ATP8B4: variants seen among roughly 807,000 people sequenced by gnomAD.
ATP8B4 encodes the protein ATPase phospholipid transporting 8B4 (putative), also known as probable phospholipid-transporting ATPase IM.
A neutral mutation model predicts 145.6 loss-of-function variants in ATP8B4; 133 were observed. The ratio of observed to expected loss-of-function variants is 0.91; its 90% CI spans 0.79 to 1.05. The LOEUF is 1.05. Among genes scored for constraint, ATP8B4 ranks in the 50% least tolerant of loss-of-function variants. The pLI, the probability that ATP8B4 is intolerant of heterozygous loss-of-function variation, is 0.00. For missense variants in ATP8B4, 1,458 were observed against 1,425.2 expected, an observed-to-expected ratio of 1.02 and a Z score of -0.37; for synonymous variants, 507 against 492.9, an observed-to-expected ratio of 1.03 and a Z score of -0.38.
At chr15:50,025,059 T>A (rs2049901155) in intron 6 of ATP8B4, among the ~76,000 whole-genome samples, 2 of 152,222 alleles carry the variant, frequency 1.3e-5, no homozygotes, top group Admixed American at 1.3e-4. Flanking sequence ...CAAGAGGCTT[T>A]ATTTAATTCA....
chr15:50,135,516 C>T (rs1212776693), intron 1 of ATP8B4, among the ~76,000 whole-genome samples: 2 of 152,146 alleles, frequency 1.3e-5, no homozygotes, highest in African/African-American at 2.4e-5. Context: ...TTTATGTGAC[C>T]TTTTATGTGC....
rs145783329 is a variant in ATP8B4 at position 49,860,327 on chromosome 15, C to T, written c.3446G>A (p.Arg1149Gln). 30 of 1,613,920 alleles carry T rather than the reference C, an allele frequency of 1.9e-5. No individual in the cohort carries two copies. Among genetic ancestry groups the T allele is most frequent in the Middle Eastern group, 1.6e-4 (1 of 6,082 alleles). The change falls in exon 28 of 28, where the codon CGA becomes CAA. Residue 1149 changes from arginine (R) to glutamine (Q), a missense_variant. Arg to Gln is a conservative substitution (Grantham distance 43). Coordinates refer to ENST00000284509, the MANE Select transcript of ATP8B4 (RefSeq NM_024837.4). Reference protein sequence around the residue: ...GELITSGKNMRAKNPPPTSGL... With the variant: ...GELITSGKNMQAKNPPPTSGL... ...TGATGTTGGGGGTGGATTTTTAGCT[C>T]GCATATTTTTTCCAGATGTGATAAG... is the stretch of plus-strand genomic sequence containing the variant.
intron 6 of ATP8B4, among the ~76,000 whole-genome samples, chr15:50,013,380 A>C (rs1300990407): frequency 6.6e-6 from 1 of 152,140 alleles, no homozygotes; most frequent in Non-Finnish European, 1.5e-5. Context: ...AGCACCTTCA[A>C]ACTTTGCTTT....
At chr15:50,032,054 C>G (rs1270277019) in intron 6 of ATP8B4, among the ~76,000 whole-genome samples, 1 of 152,074 alleles carries the variant, frequency 6.6e-6, no homozygotes, top group Admixed American at 6.6e-5. Context: ...ACTTTAAGTT[C>G]TGGGATACGT....
chr15:50,150,907 T>C (rs2044338963), intron 1 of ATP8B4, among the ~76,000 whole-genome samples: 1 of 152,202 alleles, frequency 6.6e-6, no homozygotes, highest in Admixed American at 6.5e-5. Context: ...GTGAAAATGG[T>C]TGGCATTAAC....
chr15:50,090,631 T>C (rs975683655), intron 2 of ATP8B4, among the ~76,000 whole-genome samples: 2 of 152,234 alleles, frequency 1.3e-5, no homozygotes, highest in Non-Finnish European at 2.9e-5. Flanking sequence ...CTGTGAGGAA[T>C]ACATTTCTGT....
intron 6 of ATP8B4, among the ~76,000 whole-genome samples, chr15:50,013,021 A>G (rs975502261): frequency 1.3e-5 from 2 of 152,200 alleles, no homozygotes; most frequent in Non-Finnish European, 2.9e-5. Context: ...ACCTATAAAC[A>G]AATTTAAATA....
chr15:49,911,083 T>C (rs939714773), intron 20 of ATP8B4, among the ~76,000 whole-genome samples: 1 of 152,176 alleles, frequency 6.6e-6, no homozygotes, highest in Middle Eastern at 3.4e-3. Flanking sequence ...ACAGAAGATA[T>C]ATACAACATC....
At chr15:50,149,564 A>G (rs2044321387) in intron 1 of ATP8B4, among the ~76,000 whole-genome samples, 1 of 152,210 alleles carries the variant, frequency 6.6e-6, no homozygotes, top group Admixed American at 6.5e-5. Context: ...AACCACAATA[A>G]TAATAATGAT....
intron 27 of ATP8B4, 82 bp from the exon 28 acceptor site, chr15:49,860,557 C>T (rs2031476192): frequency 8.0e-7 from 1 of 1,257,210 alleles, no homozygotes; most frequent in Non-Finnish European, 1.1e-6. Context: ...AAGTGAAAGC[C>T]TTTTTTTTTT....
intron 8 of ATP8B4, among the ~76,000 whole-genome samples, chr15:49,997,025 A>C (rs941659781): frequency 6.6e-6 from 1 of 152,162 alleles, no homozygotes; most frequent in African/African-American, 2.4e-5. Flanking sequence ...AGGACATAAC[A>C]AATATGGTTT....
chr15:49,902,260 T>C (rs987253447), intron 20 of ATP8B4: 1 of 152,222 alleles, frequency 6.6e-6, no homozygotes. Flanking sequence ...AAAGTGAATA[T>C]TGTGTCTTTT....
intron 13 of ATP8B4, among the ~76,000 whole-genome samples, chr15:49,968,766 A>G (rs775230802): frequency 1.3e-5 from 2 of 152,210 alleles, no homozygotes; most frequent in Non-Finnish European, 2.9e-5. Flanking sequence ...ACTCTGGACC[A>G]AGCGGACCTA....
chr15:50,120,257 C>T (rs74012893), upstream of ATP8B4, among the ~76,000 whole-genome samples: 2 of 152,000 alleles, frequency 1.3e-5, no homozygotes, highest in African/African-American at 4.8e-5. Context: ...CCTTTTCCTA[C>T]CAAGGTTCCA....
In ATP8B4 at chr15:50,073,013, T is replaced by TAC. The variant is rs2053933557; in HGVS notation, c.87+1113_87+1114insGT. Among the ~76,000 whole-genome samples the TAC allele has an allele frequency of 2.9e-3, 118 of 40,564 alleles. 1 individual carries two copies. Among genetic ancestry groups the TAC allele is most frequent in the African/African-American group, 0.013 (109 of 8,390 alleles). The allele number at this position is 40,564 out of a possible 152,430, so 26.6% of individuals were successfully genotyped here. On this transcript the variant is annotated intron_variant, in intron 3 of 27. Coordinates refer to ENST00000284509, the MANE Select transcript of ATP8B4 (RefSeq NM_024837.4). Reference sequence around the variant, plus strand: ...ATATATATATATATATATATATATATATATATACACACACACACACACACA... The same window carrying TAC: ...ATATATATATATATATATATATATATACATATATACACACACACACACACACA...
chr15:49,877,815 C>T (rs2153399483), intron 24 of ATP8B4, among the ~76,000 whole-genome samples: 1 of 152,186 alleles, frequency 6.6e-6, no homozygotes, highest in Middle Eastern at 3.4e-3. Context: ...ATAAATATGC[C>T]AGATGCTTCT....
intron 8 of ATP8B4, among the ~76,000 whole-genome samples, chr15:49,996,981 A>T (rs1414618897): frequency 6.6e-6 from 1 of 152,130 alleles, no homozygotes; most frequent in Non-Finnish European, 1.5e-5. Flanking sequence ...CTTTATAACA[A>T]CACAATGATC....
chr15:50,090,640 G>A (rs1048322148), intron 2 of ATP8B4, among the ~76,000 whole-genome samples: 1 of 152,026 alleles, frequency 6.6e-6, no homozygotes, highest in Admixed American at 6.6e-5. Context: ...ATACATTTCT[G>A]TTTCGTTTTT....
intron 14 of ATP8B4, among the ~76,000 whole-genome samples, chr15:49,954,917 T>C (rs2043423744): frequency 6.6e-6 from 1 of 152,078 alleles, no homozygotes; most frequent in East Asian, 1.9e-4. Flanking sequence ...AAACATAGAA[T>C]AAACCCAGAT....
Sources: allele counts gnomAD v4.1 joint callset (sites outside exome capture counted in the v4.1 genomes callset), GRCh38; gene constraint gnomAD v4.1.1; transcripts MANE v1.5; gene names NCBI Gene and HGNC (gene_info 2026-07-23, HGNC 2026-07-21).